Variants in RIMBP2 observed in about 807,000 individuals in gnomAD.
RIMBP2 encodes the protein RIMS-binding protein 2.
Under a neutral mutation model 118.6 loss-of-function variants are expected in RIMBP2, and 48 were observed. The ratio of observed to expected loss-of-function variants is 0.40; its 90% CI spans 0.32 to 0.51. RIMBP2 has a LOEUF of 0.51. Among genes scored for constraint, RIMBP2 ranks in the 20% least tolerant of loss-of-function variants. The probability of loss-of-function intolerance (pLI) is 0.41; values close to 1 mark genes in which losing one functional copy is unlikely to be tolerated. For missense variants in RIMBP2, 1,551 were observed against 1,768.3 expected, an observed-to-expected ratio of 0.88 and a Z score of 2.20; for synonymous variants, 762 against 742.9, an observed-to-expected ratio of 1.03 and a Z score of -0.42.
intron 14 of RIMBP2, chr12:130,429,387 G>T (rs1021602173): frequency 2.0e-5 from 3 of 152,170 alleles, no homozygotes; most frequent in African/African-American, 7.2e-5. Context: ...AGCCCTGGTG[G>T]TCTCTCCCAG....
At chr12:130,413,637 A>C in intron 18 of RIMBP2, among the ~76,000 whole-genome samples, 1 of 143,254 alleles carries the variant, frequency 7.0e-6, no homozygotes, top group East Asian at 2.0e-4. Flanking sequence ...TGTCTCAAAA[A>C]AAAAAAAAAA....
chr12:130,646,791 C>T (rs1431710738), intron 1 of RIMBP2, among the ~76,000 whole-genome samples: 1 of 152,260 alleles, frequency 6.6e-6, no homozygotes, highest in Non-Finnish European at 1.5e-5. Flanking sequence ...GGTCGCACAA[C>T]TCACACACAG....
intron 1 of RIMBP2, among the ~76,000 whole-genome samples, chr12:130,632,106 C>T (rs1273619086): frequency 1.3e-5 from 2 of 152,242 alleles, no homozygotes; most frequent in Non-Finnish European, 2.9e-5. Context: ...CCTACTTCAT[C>T]GTGGGACGAT....
intron 2 of RIMBP2, among the ~76,000 whole-genome samples, chr12:130,604,164 A>C (rs925681862): frequency 1.3e-5 from 2 of 152,258 alleles, no homozygotes; most frequent in South Asian, 2.1e-4. Flanking sequence ...CGGTGTTAAA[A>C]TGTTTTAAAA....
chr12:130,694,218 TGGA>T (rs2065468040), intron 1 of RIMBP2, among the ~76,000 whole-genome samples: 2 of 152,120 alleles, frequency 1.3e-5, no homozygotes, highest in African/African-American at 4.8e-5. Context: ...AAACCCTCCT[TGGA>T]GGAGGAGTCA....
At chr12:130,603,132 T>C (rs1277558836) in intron 2 of RIMBP2, among the ~76,000 whole-genome samples, 1 of 152,176 alleles carries the variant, frequency 6.6e-6, no homozygotes, top group Non-Finnish European at 1.5e-5. Flanking sequence ...AATGAGCACA[T>C]GAAAACATGG....
chr12:130,591,484 T>C (rs1023340320), intron 2 of RIMBP2, among the ~76,000 whole-genome samples: 2 of 152,114 alleles, frequency 1.3e-5, no homozygotes, highest in Non-Finnish European at 2.9e-5. Context: ...CCGAGTGACT[T>C]AGAACAGTGG....
rs1425937261 is a variant in RIMBP2, at chr12:130,434,296, C to A, written c.2253+438G>T. The stretch of plus-strand genomic sequence containing the variant: ...TGTCTTCCTCATGAGCCCAGCTCTG[C>A]CGTTTTGCTGTTCTGAAGGACGAAC... On this transcript the variant is annotated intron_variant, in intron 14 of 22. Transcript: ENST00000690449. The surrounding 1 kb of genome is among the most constrained non-coding windows in gnomAD (Gnocchi z 5.7). 6.6e-6 allele frequency among the ~76,000 whole-genome samples: 1 copy of A among 152,218 alleles called. No individual in the cohort carries two copies. The highest frequency in any genetic ancestry group is 1.5e-5 in the Non-Finnish European group (1 of 68,042).
At chr12:130,483,506 G>A (rs1313516747) in intron 4 of RIMBP2, among the ~76,000 whole-genome samples, 1 of 152,216 alleles carries the variant, frequency 6.6e-6, no homozygotes. Flanking sequence ...AGTCCTGCTG[G>A]GGGCTGGCCT....
chr12:130,602,524 C>T (rs1291664287), intron 2 of RIMBP2, among the ~76,000 whole-genome samples: 4 of 152,212 alleles, frequency 2.6e-5, no homozygotes, highest in Admixed American at 1.3e-4. Context: ...TGTGTGGCAG[C>T]GCTGGGAGCT....
intron 1 of RIMBP2, among the ~76,000 whole-genome samples, chr12:130,708,166 C>G (rs1489198586): frequency 6.6e-6 from 1 of 152,096 alleles, no homozygotes; most frequent in Admixed American, 6.5e-5. Context: ...ATTCTGTTCA[C>G]GTAAGATGTC....
chr12:130,504,022 T>A (rs1440029611), intron 4 of RIMBP2, among the ~76,000 whole-genome samples: 1 of 152,256 alleles, frequency 6.6e-6, no homozygotes, highest in Non-Finnish European at 1.5e-5. Context: ...AGGTTAAATA[T>A]CACTGTGTGA....
chr12:130,418,929 C>A (rs1170407712), intron 17 of RIMBP2, among the ~76,000 whole-genome samples: 1 of 152,268 alleles, frequency 6.6e-6, no homozygotes, highest in Non-Finnish European at 1.5e-5. Context: ...AACGAAGGCT[C>A]CTTCCAGAGA....
intron 2 of RIMBP2, among the ~76,000 whole-genome samples, chr12:130,570,874 C>A (rs1014488933): frequency 6.6e-6 from 1 of 152,166 alleles, no homozygotes; most frequent in Non-Finnish European, 1.5e-5. Context: ...AGGTGCTTTT[C>A]TTTAAGCAGG....
intron 1 of RIMBP2, among the ~76,000 whole-genome samples, chr12:130,647,256 G>A (rs201223625): frequency 1.1e-4 from 16 of 152,084 alleles, no homozygotes; most frequent in Admixed American, 2.6e-4. Flanking sequence ...CTAGCTACTC[G>A]GGACGCTGAG....
intron 1 of RIMBP2, among the ~76,000 whole-genome samples, chr12:130,666,012 G>A (rs1024767741): frequency 2.0e-5 from 3 of 152,154 alleles, no homozygotes; most frequent in Non-Finnish European, 4.4e-5. Context: ...ACAGCAACTT[G>A]TAGATAAGAG....
intron 2 of RIMBP2, among the ~76,000 whole-genome samples, chr12:130,542,720 A>G (rs2054726021): frequency 6.6e-6 from 1 of 152,246 alleles, no homozygotes; most frequent in African/African-American, 2.4e-5. Context: ...TTGTGACTCT[A>G]GATGCAATCT....
rs2078179431 is a variant in RIMBP2 at position 130,442,064 on chromosome 12, G to C, written c.1288C>G (p.Pro430Ala). 6.2e-7 allele frequency: 1 copy of C among 1,614,060 alleles called. No homozygotes were observed. The highest frequency in any genetic ancestry group is 1.3e-5 in the African/African-American group (1 of 74,940). The change falls in exon 11 of 23, where the codon CCC (proline) becomes GCC (alanine). Residue 430 changes from proline (P) to alanine (A), a missense_variant. This residue lies in a region of RIMBP2 where 265 missense variants were observed against 349.5 expected (regional missense o/e 0.76). Coordinates refer to ENST00000690449, the MANE Select transcript of RIMBP2 (RefSeq NM_001393629.1). The surrounding 1 kb of genome is among the most constrained non-coding windows in gnomAD (Gnocchi z 6.9). ...ACGTGGCTGTAGTTGCTGTTGGTGGGTAGCCAGGAGAGCTGGGCGGAGATC... is the reference window on the plus strand; with the variant it reads ...ACGTGGCTGTAGTTGCTGTTGGTGGCTAGCCAGGAGAGCTGGGCGGAGATC... The part of the protein sequence containing the change: ...TQISAQLSWL[P>A]TNSNYSHVIF...
At chr12:130,628,113 T>C (rs913227236) in intron 2 of RIMBP2, among the ~76,000 whole-genome samples, 5 of 152,200 alleles carry the variant, frequency 3.3e-5, no homozygotes, top group African/African-American at 4.8e-5. Flanking sequence ...CCTCAGGGCC[T>C]TTGCACGGCT....
Sources: allele counts gnomAD v4.1 joint callset (sites outside exome capture counted in the v4.1 genomes callset), GRCh38; gene constraint gnomAD v4.1.1; regional missense constraint gnomAD v4.1.1; non-coding constraint Gnocchi (gnomAD v3.1); transcripts MANE v1.5; gene names NCBI Gene and HGNC (gene_info 2026-07-23, HGNC 2026-07-21).